RAP1GAP2: variants seen among roughly 807,000 people sequenced by gnomAD.
RAP1GAP2 encodes RAP1 GTPase activating protein 2, also known as rap1 GTPase-activating protein 2.
In RAP1GAP2, 27 loss-of-function variants were observed where a neutral mutation model predicts 95.0. The ratio of observed to expected loss-of-function variants is 0.28; its 90% CI spans 0.21 to 0.39. The LOEUF is 0.39. Among genes scored for constraint, RAP1GAP2 ranks in the 10% least tolerant of loss-of-function variants. RAP1GAP2 has a pLI of 1.00. For synonymous variants in RAP1GAP2, 373 were observed against 380.9 expected, an observed-to-expected ratio of 0.98 and a Z score of 0.24; for missense variants, 771 against 970.0, an observed-to-expected ratio of 0.79 and a Z score of 2.72.
At chr17:2,912,606 G>A (rs2042426561) in intron 3 of RAP1GAP2, among the ~76,000 whole-genome samples, 1 of 152,024 alleles carries the variant, frequency 6.6e-6, no homozygotes, top group Non-Finnish European at 1.5e-5. Flanking sequence ...GACAGGAGAG[G>A]ACAGATATAT....
intron 3 of RAP1GAP2, among the ~76,000 whole-genome samples, chr17:2,917,585 A>G (rs1331824545): frequency 6.6e-6 from 1 of 151,574 alleles, no homozygotes; most frequent in South Asian, 2.1e-4. Flanking sequence ...TGGTATTTTT[A>G]GTAGAGACGG....
chr17:2,937,179 A>C (rs913019758), intron 3 of RAP1GAP2, among the ~76,000 whole-genome samples: 3 of 152,110 alleles, frequency 2.0e-5, no homozygotes, highest in Non-Finnish European at 4.4e-5. Context: ...TCAAGCAAAT[A>C]AAGTGGAGTG....
intron 2 of RAP1GAP2, among the ~76,000 whole-genome samples, chr17:2,848,834 T>C (rs996467536): frequency 6.6e-6 from 1 of 152,182 alleles, no homozygotes; most frequent in Non-Finnish European, 1.5e-5. Context: ...TTTTCAAAAA[T>C]AGAAACTGCT....
intron 3 of RAP1GAP2, among the ~76,000 whole-genome samples, chr17:2,907,847 G>A (rs2042248692): frequency 1.3e-5 from 2 of 151,990 alleles, no homozygotes; most frequent in Non-Finnish European, 2.9e-5. Context: ...TTGCTCTGTC[G>A]CCGAGCCAGA....
At chr17:2,844,073 TGCAGTG>T (rs2071480125) in intron 2 of RAP1GAP2, among the ~76,000 whole-genome samples, 1 of 151,920 alleles carries the variant, frequency 6.6e-6, no homozygotes, top group African/African-American at 2.4e-5. Flanking sequence ...CAGGCTGGAG[TGCAGTG>T]GCTCGATCTC....
chr17:2,790,410 C>G (rs1024533314), intron 1 of RAP1GAP2, among the ~76,000 whole-genome samples: 1 of 152,156 alleles, frequency 6.6e-6, no homozygotes, highest in South Asian at 2.1e-4. Flanking sequence ...TGAGCCACCG[C>G]ACCCGACCTC....
In RAP1GAP2 at chr17:2,770,869, C is replaced by T. The variant is rs747842495; in HGVS notation, c.167+424C>T. Among the ~76,000 whole-genome samples, 5 of 152,016 alleles carry T rather than the reference C, an allele frequency of 3.3e-5. No homozygotes were observed. In the South Asian group the frequency reaches 6.2e-4, roughly 19 times the overall value. On this transcript the variant is annotated intron_variant, in intron 2 of 25. Coordinates refer to the RAP1GAP2 transcript ENST00000637138. ...CAGCCTGGCCAACATGGTGAAAACTCGTCTCTACTAAAAATACAAAAATTA... is the reference window on the plus strand; with the variant it reads ...CAGCCTGGCCAACATGGTGAAAACTTGTCTCTACTAAAAATACAAAAATTA...
intron 2 of RAP1GAP2, among the ~76,000 whole-genome samples, chr17:2,878,215 C>T (rs1052149696): frequency 2.0e-5 from 3 of 151,906 alleles, no homozygotes; most frequent in Non-Finnish European, 4.4e-5. Context: ...GAAGGGGAGT[C>T]AGGAACACAT....
At chr17:2,879,317 T>A (rs2073205096) in intron 2 of RAP1GAP2, among the ~76,000 whole-genome samples, 1 of 148,274 alleles carries the variant, frequency 6.7e-6, no homozygotes. Flanking sequence ...GGTTTCACCA[T>A]GTTGGCCAGG....
In RAP1GAP2 at chr17:2,837,604, CTTCT is replaced by C. The variant is rs1411809518; in HGVS notation, c.80+37057_80+37060del. ...CATCTGTGTCAGGGTGTCAGCCCTG[CTTCT>C]TTTTTTTTTTTTTTTTGAGATGGAG... On this transcript the variant is annotated intron_variant, in intron 2 of 24. Coordinates refer to ENST00000254695, the MANE Select transcript of RAP1GAP2 (RefSeq NM_015085.5). Among the ~76,000 whole-genome samples the C allele has an allele frequency of 2.0e-3, 230 of 115,370 alleles. 4 individuals carry two copies. The East Asian group carries it at 0.047, about 23-fold the overall frequency. The allele number at this position is 115,370 out of a possible 152,430, so 75.7% of individuals were successfully genotyped here. A position where few individuals can be genotyped will look rare whatever the true frequency, so the allele number is the denominator to read the frequency against.
intron 24 of RAP1GAP2, 132 bp downstream of exon 24, chr17:3,032,581 C>A: frequency 2.3e-6 from 2 of 873,354 alleles, no homozygotes. Flanking sequence ...AAAGAGTCTC[C>A]TACTCGCCCC....
intron 3 of RAP1GAP2, among the ~76,000 whole-genome samples, chr17:2,921,991 A>G (rs755197941): frequency 9.9e-5 from 15 of 151,998 alleles, no homozygotes; most frequent in African/African-American, 1.2e-4. Context: ...TCTCATCTCA[A>G]ACTCCTTCAT....
rs1026173415 is a variant in RAP1GAP2 at position 2,816,393 on chromosome 17, A to C, written c.80+15843A>C. On this transcript the variant is annotated intron_variant, in intron 2 of 24. Transcript: ENST00000254695. ...CACTCTGTCGCCCAGGCTGAAGTGCAGTGGCGCGATCTTGGCTCACTGCAA... is the reference window on the plus strand; with the variant it reads ...CACTCTGTCGCCCAGGCTGAAGTGCCGTGGCGCGATCTTGGCTCACTGCAA... Among the ~76,000 whole-genome samples, 38 of 152,028 alleles carry C rather than the reference A, an allele frequency of 2.5e-4. 1 individual carries two copies. The highest frequency in any genetic ancestry group is 2.5e-3 in the Admixed American group (38 of 15,252).
At chr17:2,988,757 G>A (rs1167830945) in intron 11 of RAP1GAP2, among the ~76,000 whole-genome samples, 13 of 152,318 alleles carry the variant, frequency 8.5e-5, no homozygotes, top group African/African-American at 3.1e-4. Flanking sequence ...GTAATTATGT[G>A]TTTAGTTTTG....
At position 2,885,096 on chromosome 17, in the gene RAP1GAP2, C is replaced by T. The variant is rs188253632; in HGVS notation, c.81-20188C>T. 2.0e-4 allele frequency among the ~76,000 whole-genome samples: 29 copies of T among 146,680 alleles called. No homozygotes were observed. The East Asian group carries it at 3.8e-3, about 19-fold the overall frequency. The stretch of plus-strand genomic sequence containing the variant: ...TCGCCCAGGCTGGAGTACAGTGGCA[C>T]GATCTCGGCTCACTGCAAGCTCCGC... On this transcript the variant is annotated intron_variant, in intron 2 of 24. Coordinates refer to ENST00000254695, the MANE Select transcript of RAP1GAP2 (RefSeq NM_015085.5).
At chr17:2,942,975 G>A (rs923192033) in intron 3 of RAP1GAP2, among the ~76,000 whole-genome samples, 2 of 151,940 alleles carry the variant, frequency 1.3e-5, no homozygotes, top group African/African-American at 2.4e-5. Flanking sequence ...CACCATGTTG[G>A]TCAGGCTGGT....
chr17:2,942,520 T>TTCTGAGCTTGCCTTTCTGCTGGACAGC (rs2043535393), intron 3 of RAP1GAP2, among the ~76,000 whole-genome samples: 1 of 152,184 alleles, frequency 6.6e-6, no homozygotes, highest in Admixed American at 6.5e-5. Context: ...TTTTGAAAAC[T>TTCTGAGCTTGCCTTTCTGCTGGACAGC]TCAGCAACAC....
intron 14 of RAP1GAP2, among the ~76,000 whole-genome samples, chr17:3,000,320 A>G (rs2046109646): frequency 6.6e-6 from 1 of 152,250 alleles, no homozygotes; most frequent in Admixed American, 6.5e-5. Flanking sequence ...TGCTCGATTC[A>G]AGTGTTGGTT....
At chr17:2,856,945 G>A (rs1397836138) in intron 2 of RAP1GAP2, among the ~76,000 whole-genome samples, 1 of 152,188 alleles carries the variant, frequency 6.6e-6, no homozygotes, top group African/African-American at 2.4e-5. Flanking sequence ...GAGTTTCTTT[G>A]TCTCTTTAAG....
Sources: allele counts gnomAD v4.1 joint callset (sites outside exome capture counted in the v4.1 genomes callset), GRCh38; gene constraint gnomAD v4.1.1; transcripts MANE v1.5; gene names NCBI Gene and HGNC (gene_info 2026-07-23, HGNC 2026-07-21).